CTNNA3: variants seen among roughly 807,000 people sequenced by gnomAD.
CTNNA3 encodes the protein catenin alpha-3.
Under a neutral mutation model 95.7 loss-of-function variants are expected in CTNNA3, and 76 were observed. The observed-to-expected ratio is 0.79, with a 90% CI of 0.66 to 0.96. The LOEUF (loss-of-function observed/expected upper bound fraction) is 0.96. Among genes scored for constraint, CTNNA3 ranks in the 40% least tolerant of loss-of-function variants. The pLI is 0.00. For missense variants in CTNNA3, 1,191 were observed against 1,089.8 expected, an observed-to-expected ratio of 1.09 and a Z score of -1.31; for synonymous variants, 431 against 374.4, an observed-to-expected ratio of 1.15 and a Z score of -1.74.
intron 5 of CTNNA3, among the ~76,000 whole-genome samples, chr10:67,306,610 C>T (rs1840561778): frequency 6.6e-6 from 1 of 151,966 alleles, no homozygotes; most frequent in South Asian, 2.1e-4. Context: ...CAATGAGTGG[C>T]CGGAAAAAGA....
chr10:67,694,945 T>C (rs1408148970), intron 1 of CTNNA3, among the ~76,000 whole-genome samples: 1 of 152,220 alleles, frequency 6.6e-6, no homozygotes, highest in East Asian at 1.9e-4. Context: ...GTCTATACTG[T>C]CTGTATTTTA....
chr10:66,009,597 T>C lies in CTNNA3; in HGVS notation c.2160-20800A>G, dbSNP rs1589244807. On this transcript the variant is annotated intron_variant, in intron 15 of 17. Coordinates refer to ENST00000433211, the MANE Select transcript of CTNNA3 (RefSeq NM_013266.4). ...CTTATAGCCATTTTGAAGACTAATATTTAAAGCCATAACTCCAATGTTATT... is the reference window on the plus strand; with the variant it reads ...CTTATAGCCATTTTGAAGACTAATACTTAAAGCCATAACTCCAATGTTATT... Among the ~76,000 whole-genome samples, 4 of 152,340 alleles carry C rather than the reference T, an allele frequency of 2.6e-5. No homozygotes were observed. In the East Asian group the frequency reaches 7.7e-4, roughly 29 times the overall value.
chr10:66,403,190 G>A (rs1254592998), intron 11 of CTNNA3, among the ~76,000 whole-genome samples: 4 of 152,076 alleles, frequency 2.6e-5, no homozygotes, highest in Non-Finnish European at 5.9e-5. Flanking sequence ...AACCTTGTGT[G>A]CAAGCCATCA....
intron 11 of CTNNA3, among the ~76,000 whole-genome samples, chr10:66,517,626 A>G (rs1261052535): frequency 6.6e-6 from 1 of 152,068 alleles, no homozygotes; most frequent in Non-Finnish European, 1.5e-5. Context: ...CCAAGAAATA[A>G]CCATAAAAAT....
intron 7 of CTNNA3, among the ~76,000 whole-genome samples, chr10:67,005,836 C>G (rs1851954020): frequency 6.6e-6 from 1 of 151,428 alleles, no homozygotes; most frequent in Non-Finnish European, 1.5e-5. Context: ...CAGGTGCATG[C>G]CACTATGCCT....
intron 10 of CTNNA3, among the ~76,000 whole-genome samples, chr10:66,532,392 G>A (rs1391340165): frequency 6.6e-6 from 1 of 151,964 alleles, no homozygotes; most frequent in Non-Finnish European, 1.5e-5. Context: ...AACCTGGGAG[G>A]CGGAGCTTGC....
At chr10:66,909,756 C>T (rs566974075) in intron 7 of CTNNA3, among the ~76,000 whole-genome samples, 1 of 152,278 alleles carries the variant, frequency 6.6e-6, no homozygotes, top group South Asian at 2.1e-4. Flanking sequence ...TCCGCTTGCA[C>T]TTATCACATC....
chr10:67,288,961 T>C (rs1451308918), intron 5 of CTNNA3, among the ~76,000 whole-genome samples: 1 of 152,084 alleles, frequency 6.6e-6, no homozygotes, highest in African/African-American at 2.4e-5. Context: ...AGATCCTGTC[T>C]CTAAATAAAT....
chr10:66,855,121 C>T (rs1214025988), intron 7 of CTNNA3, among the ~76,000 whole-genome samples: 2 of 151,890 alleles, frequency 1.3e-5, no homozygotes, highest in African/African-American at 2.4e-5. Flanking sequence ...GAAGTTATCA[C>T]ACTCACTATG....
chr10:66,757,784 C>A (rs1320895102), intron 9 of CTNNA3, among the ~76,000 whole-genome samples: 1 of 152,128 alleles, frequency 6.6e-6, no homozygotes, highest in Non-Finnish European at 1.5e-5. Context: ...ATTATGCTAC[C>A]TTTATCCCTT....
At chr10:66,922,993 C>A (rs1480514883) in intron 7 of CTNNA3, among the ~76,000 whole-genome samples, 1 of 152,090 alleles carries the variant, frequency 6.6e-6, no homozygotes, top group African/African-American at 2.4e-5. Context: ...TTTAAATGCA[C>A]AATTAATTCA....
Position 65,915,798 on chromosome 10 carries a change from G to C in CTNNA3, c.*4532C>G, listed in dbSNP as rs1028317559. On this transcript the variant is annotated 3_prime_UTR_variant, in exon 18 of 18. Transcript: ENST00000433211. ...AAAATATTCACATGCAAGAAGACTA[G>C]TGTTTTAAACTATTCTTTATTTTGC... The C allele has an allele frequency of 6.6e-6, 1 of 152,104 alleles. No homozygotes were observed. Among genetic ancestry groups the C allele is most frequent in the Admixed American group, 6.5e-5 (1 of 15,268 alleles). 9.4% of individuals were successfully genotyped at this position (152,104 alleles called of 1,614,324 possible).
At chr10:67,187,521 A>G (rs917816162) in intron 6 of CTNNA3, among the ~76,000 whole-genome samples, 23 of 150,220 alleles carry the variant, frequency 1.5e-4, no homozygotes, top group African/African-American at 5.7e-4. Flanking sequence ...CTCTCTCATC[A>G]TTTTCTTTCT....
intron 13 of CTNNA3, among the ~76,000 whole-genome samples, chr10:66,189,718 C>A (rs1376554137): frequency 6.7e-6 from 1 of 150,144 alleles, no homozygotes; most frequent in Admixed American, 6.6e-5. Flanking sequence ...AAAATAATTA[C>A]AAGTAAAAAT....
chr10:66,845,703 C>CAAAAAAAAAAAAAAA (rs61085873), intron 7 of CTNNA3, among the ~76,000 whole-genome samples: 23 of 23,534 alleles, frequency 9.8e-4, no homozygotes, highest in African/African-American at 1.8e-3. Flanking sequence ...AACTCTGTCT[C>CAAAAAAAAAAAAAAA]AAAAAAAAAA....
chr10:66,685,315 GTGTA>G (rs1279547299), intron 9 of CTNNA3, among the ~76,000 whole-genome samples: 466 of 29,052 alleles, frequency 0.016, 20 homozygotes, highest in East Asian at 0.067. Flanking sequence ...ATATGTGTGT[GTGTA>G]TGTGTGTATA....
intron 13 of CTNNA3, among the ~76,000 whole-genome samples, chr10:66,171,069 A>T (rs1377009399): frequency 2.6e-5 from 4 of 151,820 alleles, no homozygotes; most frequent in Admixed American, 6.6e-5. Flanking sequence ...AGAGGCAGAG[A>T]TTGCAGTGAG....
intron 7 of CTNNA3, among the ~76,000 whole-genome samples, chr10:67,119,077 A>T (rs1859339050): frequency 6.6e-6 from 1 of 152,108 alleles, no homozygotes; most frequent in East Asian, 1.9e-4. Context: ...AGTAAAGCCA[A>T]ATACTAATGA....
intron 11 of CTNNA3, among the ~76,000 whole-genome samples, chr10:66,420,856 T>C (rs1159709796): frequency 7.6e-6 from 1 of 132,358 alleles, no homozygotes; most frequent in Non-Finnish European, 1.6e-5. Flanking sequence ...AATATGGAGA[T>C]TTCTCAAACA....
Sources: gnomAD v4.1 joint callset for allele counts (sites outside exome capture counted in the v4.1 genomes callset) on GRCh38, gnomAD v4.1.1 for gene constraint, MANE v1.5 for transcripts, NCBI Gene and HGNC (gene_info 2026-07-23, HGNC 2026-07-21) for gene names.